MDN1: variants seen among roughly 807,000 people sequenced by gnomAD.
MDN1 encodes the protein midasin AAA ATPase 1.
A neutral mutation model predicts 669.2 loss-of-function variants in MDN1; 266 were observed. The observed-to-expected ratio is 0.40, with a 90% CI of 0.36 to 0.44. The LOEUF is 0.44. Among genes scored for constraint, MDN1 ranks in the 20% least tolerant of loss-of-function variants. MDN1 has a pLI of 1.00. For missense variants in MDN1, 5,940 were observed against 6,754.0 expected (o/e 0.88, Z 4.22); for synonymous variants, 2,385 against 2,457.1 (o/e 0.97, Z 0.87).
At chr6:89,746,612 AAAGAAAGAAAGAAAGAAAG>A (rs1562172984) in intron 27 of MDN1, among the ~76,000 whole-genome samples, 2 of 5,250 alleles carry the variant, frequency 3.8e-4, no homozygotes, top group South Asian at 9.3e-3. Flanking sequence ...AAAAAAAAAA[AAAGAAAGAAAGAAAGAAAG>A]AAAGAAAGAA....
intron 53 of MDN1, among the ~76,000 whole-genome samples, chr6:89,704,394 G>A (rs2128310624): frequency 6.6e-6 from 1 of 152,190 alleles, no homozygotes; most frequent in Admixed American, 6.5e-5. Context: ...AAAAAATTCT[G>A]GAAAACAGAG....
In MDN1 at chr6:89,690,216, G is replaced by GA. The variant is rs1221168006; in HGVS notation, c.10750-74dup. On this transcript the variant is annotated intron_variant, in intron 64 of 101. Coordinates refer to ENST00000369393, the MANE Select transcript of MDN1 (RefSeq NM_014611.3). ...TTCTAATCAGACTAAAAGGAAGAAA[G>GA]AAAAAAGCATAAGAATGACTGAAAA... is the stretch of plus-strand genomic sequence containing the variant. 2.1e-5 allele frequency: 31 copies of GA among 1,471,918 alleles called. 1 individual carries two copies. Among genetic ancestry groups the GA allele is most frequent in the South Asian group, 2.6e-5 (2 of 76,842 alleles). 91.2% of individuals were successfully genotyped at this position (1,471,918 alleles called of 1,614,324 possible).
chr6:89,678,654 A>T lies in MDN1; in HGVS notation c.12357T>A (p.Ile4119=). Residue 4119 remains isoleucine (I), a synonymous_variant, in exon 75 of 102, where the codon ATT becomes ATA. Transcript: ENST00000369393. ...ACAAAGCTCGCTGTTTTTGCATGAG[A>T]ATGTGCTTGGCTTCTGACCGCTGCT... is the stretch of plus-strand genomic sequence containing the variant. ...KEKQRSEAKH[I]LMQKQRALSD... The T allele has an allele frequency of 6.2e-7, 1 of 1,614,066 alleles. No homozygotes were observed. The highest frequency in any genetic ancestry group is 8.5e-7 in the Non-Finnish European group (1 of 1,179,982).
chr6:89,658,077 G>T, intron 90 of MDN1, 132 bp downstream of exon 90: 1 of 1,045,492 alleles, frequency 9.6e-7, no homozygotes. Flanking sequence ...TGGTCTGTTA[G>T]ATGTCAACAA....
chr6:89,660,568 C>A (rs1377470636), intron 88 of MDN1, among the ~76,000 whole-genome samples: 3 of 151,714 alleles, frequency 2.0e-5, no homozygotes, highest in African/African-American at 7.3e-5. Flanking sequence ...ACGAGTCTGG[C>A]TATTTAAAAG....
chr6:89,650,568 C>T (rs564100927), intron 96 of MDN1, among the ~76,000 whole-genome samples, 164 bp downstream of exon 96: 8 of 152,306 alleles, frequency 5.3e-5, no homozygotes, highest in Admixed American at 2.6e-4. Context: ...TGTGCAGAGA[C>T]AATAATAGGA....
intron 83 of MDN1, 58 bp downstream of exon 83, chr6:89,670,861 G>A: frequency 3.9e-6 from 6 of 1,546,910 alleles, no homozygotes; most frequent in Non-Finnish European, 5.3e-6. Flanking sequence ...AAAGACTAAT[G>A]ACATGAAATT....
intron 35 of MDN1, among the ~76,000 whole-genome samples, chr6:89,730,453 G>A (rs1422895623): frequency 6.6e-6 from 1 of 152,146 alleles, no homozygotes; most frequent in African/African-American, 2.4e-5. Context: ...CTTTACTATA[G>A]GAAAGTTCCT....
intron 1 of MDN1, among the ~76,000 whole-genome samples, chr6:89,811,906 T>C (rs1179624875): frequency 6.6e-6 from 1 of 152,120 alleles, no homozygotes; most frequent in African/African-American, 2.4e-5. Context: ...GAAGCTTAAA[T>C]GGGTTTTATT....
intron 45 of MDN1, among the ~76,000 whole-genome samples, 192 bp downstream of exon 45, chr6:89,715,459 CTG>C (rs1814291201): frequency 6.6e-6 from 1 of 152,208 alleles, no homozygotes; most frequent in African/African-American, 2.4e-5. Context: ...CTTGTTTATG[CTG>C]TGTTTCCAGA....
At chr6:89,722,439 G>T (rs1814894321) in intron 40 of MDN1, among the ~76,000 whole-genome samples, 1 of 152,206 alleles carries the variant, frequency 6.6e-6, no homozygotes, top group South Asian at 2.1e-4. Flanking sequence ...TGATCATGGG[G>T]ATTTGGATAG....
At chr6:89,672,438 G>C in intron 81 of MDN1, 75 bp from the exon 82 acceptor site, 1 of 1,593,868 alleles carries the variant, frequency 6.3e-7, no homozygotes, top group East Asian at 2.2e-5. Flanking sequence ...TATCCATGCA[G>C]TTATCTGTTT....
chr6:89,661,654 C>A, intron 87 of MDN1, 76 bp from the exon 88 acceptor site: 1 of 1,387,262 alleles, frequency 7.2e-7, no homozygotes. Context: ...CCCATAAAAT[C>A]AGCTCTAAGT....
chr6:89,648,813 C>CAAA (rs61330666), intron 97 of MDN1, among the ~76,000 whole-genome samples: 88 of 122,042 alleles, frequency 7.2e-4, no homozygotes, highest in Non-Finnish European at 8.3e-4. Context: ...ACCCTGTCTT[C>CAAA]AAAAAAAAAA....
rs760138632 is a variant in MDN1 at position 89,696,493 on chromosome 6, C to A, written c.9250G>T (p.Asp3084Tyr). 5 of 1,614,072 alleles carry A rather than the reference C, an allele frequency of 3.1e-6. No individual in the cohort carries two copies. The Admixed American group carries it at 6.7e-5, about 22-fold the overall frequency. Residue 3084 changes from aspartate (D) to tyrosine (Y), a missense_variant, in exon 60 of 102, where the codon GAT becomes TAT. Physicochemically the swap from Asp to Tyr is radical, Grantham distance 160 (BLOSUM62 -3). This residue lies in a region of MDN1 where 2,292 missense variants were observed against 2,638.3 expected (regional missense o/e 0.87). Coordinates refer to ENST00000369393, the MANE Select transcript of MDN1 (RefSeq NM_014611.3). ...GAAAGAATGGGGAGGCCACTCACAT[C>A]CCAGGGACTTGCTCTCCAGCTGCTG... Reference protein sequence around the residue: ...LTSSWRASPWDVSGLPILSSS... With the variant: ...LTSSWRASPWYVSGLPILSSS...
intron 1 of MDN1, among the ~76,000 whole-genome samples, chr6:89,803,895 C>CTT (rs56246331): frequency 2.4e-4 from 18 of 76,382 alleles, no homozygotes; most frequent in South Asian, 5.3e-4. Flanking sequence ...CTTTTCTTTT[C>CTT]TTTTTTTTTT....
intron 2 of MDN1, among the ~76,000 whole-genome samples, chr6:89,797,400 C>A (rs1176990641): frequency 2.7e-5 from 4 of 145,878 alleles, no homozygotes; most frequent in Non-Finnish European, 6.1e-5. Flanking sequence ...AAAATTCTAT[C>A]TTAAAAAATT....
At chr6:89,812,583 GA>G (rs1231151104) in intron 1 of MDN1, among the ~76,000 whole-genome samples, 2 of 152,028 alleles carry the variant, frequency 1.3e-5, no homozygotes, top group Non-Finnish European at 2.9e-5. Context: ...TTTGAGTAAT[GA>G]AATTACTACA....
At position 89,732,562 on chromosome 6, in the gene MDN1, C is replaced by A. The variant is rs1815668254; in HGVS notation, c.4937G>T (p.Gly1646Val). Residue 1646 changes from glycine (G) to valine (V), a missense_variant, in exon 34 of 102, where the codon GGT becomes GTT. Around this residue, in one of 5 missense-constraint regions of MDN1, gnomAD observed 2,292 missense variants for 2,638.3 expected, o/e 0.87. Transcript: ENST00000369393. ...CCAGCTACCAGACAACATACCTGAA[C>A]CTATTCCATCTATGTACACCAGGCA... ...AACLVYIDGI[G>V]SGVTSSGFGT... The A allele has an allele frequency of 6.2e-7, 1 of 1,613,894 alleles. No homozygotes were observed. Among genetic ancestry groups the A allele is most frequent in the Admixed American group, 1.7e-5 (1 of 60,006 alleles).
Sources: allele counts gnomAD v4.1 joint callset (sites outside exome capture counted in the v4.1 genomes callset), GRCh38; gene constraint gnomAD v4.1.1; regional missense constraint gnomAD v4.1.1; transcripts MANE v1.5; gene names NCBI Gene and HGNC (gene_info 2026-07-23, HGNC 2026-07-21).